CDH24: variants seen among roughly 807,000 people sequenced by gnomAD.
CDH24 encodes cadherin 24, also known as cadherin-24.
A neutral mutation model predicts 71.2 loss-of-function variants in CDH24; 61 were observed. The observed-to-expected ratio is 0.86, with a 90% CI of 0.70 to 1.06. The LOEUF (loss-of-function observed/expected upper bound fraction) is 1.06, where lower values mean the gene tolerates loss of function less well. CDH24 is among the 50% of genes least tolerant of loss of function. The pLI, the probability that CDH24 is intolerant of heterozygous loss-of-function variation, is 0.00. For synonymous variants in CDH24, 440 were observed against 470.2 expected (o/e 0.94, Z 0.83); for missense variants, 961 against 1,083.7 (o/e 0.89, Z 1.59).
chr14:23,048,523 G>A (rs1270107729), intron 11 of CDH24, 44 bp from the exon 12 acceptor site: 3 of 1,589,130 alleles, frequency 1.9e-6, no homozygotes, highest in Non-Finnish European at 2.6e-6. Flanking sequence ...AGCAGGGCCG[G>A]GAGCGGGCGG....
chr14:23,053,365 C>G lies in CDH24; in HGVS notation c.1226+131G>C, dbSNP rs2047098447. ...GCACCCAGGCCTGCAGACCAGCAAGCCCAGCTGCAGGGAGGGAGGCTTTTG... is the reference window on the plus strand; with the variant it reads ...GCACCCAGGCCTGCAGACCAGCAAGGCCAGCTGCAGGGAGGGAGGCTTTTG... On this transcript the variant is annotated intron_variant, in intron 7 of 12. Coordinates refer to ENST00000487137, the MANE Select transcript of CDH24 (RefSeq NM_144985.4). 4.3e-6 allele frequency: 5 copies of G among 1,158,736 alleles called. No individual in the cohort carries two copies. In the Admixed American group the frequency reaches 8.9e-5, roughly 21 times the overall value. The allele number at this position is 1,158,736 out of a possible 1,614,324, so 71.8% of individuals were successfully genotyped here.
chr14:23,048,687 C>T (rs1453212396), intron 11 of CDH24, among the ~76,000 whole-genome samples: 1 of 152,202 alleles, frequency 6.6e-6, no homozygotes, highest in Non-Finnish European at 1.5e-5. Context: ...CTCAATTTGC[C>T]CCTTAGATTA....
rs760686031 is a variant in CDH24 at position 23,054,560 on chromosome 14, T to C, written c.730A>G (p.Thr244Ala). The C allele has an allele frequency of 4.3e-6, 7 of 1,614,060 alleles. No homozygotes were observed. The highest frequency in any genetic ancestry group is 5.9e-6 in the Non-Finnish European group (7 of 1,179,968). The change falls in exon 5 of 13, where the codon ACG becomes GCG. Residue 244 changes from threonine to alanine, a missense_variant. Thr to Ala is a moderately conservative substitution (Grantham distance 58). Transcript: ENST00000487137. This position sits in a 1 kb window ranked among gnomAD's most constrained non-coding sequence, Gnocchi z 5.2. ...GHMGGLSGST[T>A]VTVTLSDVND... Reference sequence around the variant, plus strand: ...ACATCGCTGAGCGTGACAGTCACCGTAGTGCTGCCTGACAGCCCCCCCATG... The same window carrying C: ...ACATCGCTGAGCGTGACAGTCACCGCAGTGCTGCCTGACAGCCCCCCCATG...
At position 23,054,369 on chromosome 14, in the gene CDH24, C is replaced by G; in HGVS notation, c.785-41G>C. On this transcript the variant is annotated intron_variant, in intron 5 of 12. Transcript: ENST00000487137. The surrounding 1 kb of genome is among the most constrained non-coding windows in gnomAD (Gnocchi z 5.2). ...GGGAGACACCTTCTCAGAGAGGTCCCCAGCCCTCCTCCCTCCCCACAGCAC... is the reference window on the plus strand; with the variant it reads ...GGGAGACACCTTCTCAGAGAGGTCCGCAGCCCTCCTCCCTCCCCACAGCAC... The G allele has an allele frequency of 6.5e-7, 1 of 1,546,826 alleles. No individual in the cohort carries two copies. The highest frequency in any genetic ancestry group is 8.7e-7 in the Non-Finnish European group (1 of 1,144,424).
At chr14:23,049,366 GCCCCCC>G in intron 10 of CDH24, 91 bp from the exon 11 acceptor site, 1 of 1,278,194 alleles carries the variant, frequency 7.8e-7, no homozygotes, top group Non-Finnish European at 1.1e-6. Context: ...CATAGAGCCA[GCCCCCC>G]ATAGAGCCAG....
intron 7 of CDH24, 105 bp from the exon 8 acceptor site, chr14:23,052,714 C>T (rs575134680): frequency 3.4e-6 from 4 of 1,185,982 alleles, no homozygotes; most frequent in Admixed American, 3.7e-5. Context: ...GACCTCATGA[C>T]TCCTCTGGGT....
rs183768991 is a variant in CDH24 at position 23,052,406 on chromosome 14, C to A, written c.1363+67G>T. 23 of 1,577,366 alleles carry A rather than the reference C, an allele frequency of 1.5e-5. No homozygotes were observed. In the East Asian group the frequency reaches 5.2e-4, roughly 35 times the overall value. ...GATGGCAGTTAGCACCCTTCTCCACCCCCACACCCAGGGACAGCTCCTCGG... is the reference window on the plus strand; with the variant it reads ...GATGGCAGTTAGCACCCTTCTCCACACCCACACCCAGGGACAGCTCCTCGG... On this transcript the variant is annotated intron_variant, in intron 8 of 12. Transcript: ENST00000487137.
rs750022789 is a variant in CDH24, at chr14:23,049,655, A to C, written c.1569T>G (p.Asp523Glu). 6.3e-7 allele frequency: 1 copy of C among 1,594,882 alleles called. No homozygotes were observed. The highest frequency in any genetic ancestry group is 8.6e-7 in the Non-Finnish European group (1 of 1,168,364). Residue 523 changes from aspartate (D) to glutamate (E), a missense_variant, in exon 10 of 13, where the codon GAT (aspartate) becomes GAG (glutamate). Asp to Glu is a conservative substitution (Grantham distance 45). Transcript: ENST00000487137. ...HVSFQGPLGPDANFTVQDNRD... is the reference protein window; with the variant it reads ...HVSFQGPLGPEANFTVQDNRD... The stretch of plus-strand genomic sequence containing the variant: ...GGTTGTCCTGGACAGTAAAGTTGGC[A>C]TCAGGGCCCAGAGGACCTTGAAAGG...
chr14:23,055,900 C>T lies in CDH24; in HGVS notation c.-124-43G>A, dbSNP rs1050774697. On this transcript the variant is annotated intron_variant, in intron 1 of 12. Transcript: ENST00000487137. The surrounding 1 kb of genome is among the most constrained non-coding windows in gnomAD (Gnocchi z 4.1). ...GCTCAGGCTCAAGGAAACCCCTAGC[C>T]CTCCTCCCCCGCAAAATTAGATGCT... The T allele has an allele frequency of 6.3e-5, 38 of 601,516 alleles. No homozygotes were observed. The highest frequency in any genetic ancestry group is 4.4e-4 in the Middle Eastern group (1 of 2,254). 37.3% of individuals were successfully genotyped at this position (601,516 alleles called of 1,614,324 possible). A position where few individuals can be genotyped will look rare whatever the true frequency, so the allele number is the denominator to read the frequency against.
intron 1 of CDH24, among the ~76,000 whole-genome samples, chr14:23,056,754 C>T (rs1032247584): frequency 2.8e-4 from 42 of 151,810 alleles, no homozygotes; most frequent in Non-Finnish European, 5.2e-4. Flanking sequence ...GGAGAAGGAG[C>T]AGACAGGAGG....
intron 8 of CDH24, among the ~76,000 whole-genome samples, chr14:23,050,935 C>T (rs2047081547): frequency 6.6e-6 from 1 of 152,126 alleles, no homozygotes; most frequent in South Asian, 2.1e-4. Flanking sequence ...AGGAGGTCTA[C>T]TTCTTCCCTG....
At position 23,054,905 on chromosome 14, in the gene CDH24, G is replaced by A; in HGVS notation, c.497-39C>T. 6.2e-7 allele frequency: 1 copy of A among 1,603,700 alleles called. No homozygotes were observed. Among genetic ancestry groups the A allele is most frequent in the South Asian group, 1.1e-5 (1 of 90,542 alleles). On this transcript the variant is annotated intron_variant, in intron 3 of 12. Coordinates refer to ENST00000487137, the MANE Select transcript of CDH24 (RefSeq NM_144985.4). The surrounding 1 kb of genome is among the most constrained non-coding windows in gnomAD (Gnocchi z 5.2). Reference sequence around the variant, plus strand: ...CAGCACGCCATTCAGCAGCAGCAGGGAAGGATGGGGAAGAACAACCGATGG... The same window carrying A: ...CAGCACGCCATTCAGCAGCAGCAGGAAAGGATGGGGAAGAACAACCGATGG...
chr14:23,047,867 G>C lies in CDH24; in HGVS notation c.*113C>G, dbSNP rs138890287. Reference sequence around the variant, plus strand: ...AAGCAAGGAGGGACACAAGGACAGGGAGGAGGCCTGGGGCCCCTGGGCTGC... The same window carrying C: ...AAGCAAGGAGGGACACAAGGACAGGCAGGAGGCCTGGGGCCCCTGGGCTGC... On this transcript the variant is annotated 3_prime_UTR_variant, in exon 12 of 13. Transcript: ENST00000487137. 3 of 686,020 alleles carry C rather than the reference G, an allele frequency of 4.4e-6. No homozygotes were observed. In the East Asian group the frequency reaches 1.1e-4, roughly 26 times the overall value. 42.5% of individuals were successfully genotyped at this position (686,020 alleles called of 1,614,324 possible).
chr14:23,055,613 G>A lies in CDH24; in HGVS notation c.121C>T (p.Arg41Trp), dbSNP rs376742660. ...TTCCAGACCCAGCTCCTTCGAGTCCGCAGCAGAGCAGGCCCTGGGTGTTCC... is the reference window on the plus strand; with the variant it reads ...TTCCAGACCCAGCTCCTTCGAGTCCACAGCAGAGCAGGCCCTGGGTGTTCC... ...SREHPGPALL[R>W]TRRSWVWNQF... The change falls in exon 2 of 13, where the codon CGG becomes TGG. Residue 41 changes from arginine to tryptophan, a missense_variant. Arg to Trp is a moderately radical substitution (Grantham distance 101). This residue lies in a region of CDH24 where 671 missense variants were observed against 810.9 expected (regional missense o/e 0.83). Coordinates refer to ENST00000487137, the MANE Select transcript of CDH24 (RefSeq NM_144985.4). The surrounding 1 kb of genome is among the most constrained non-coding windows in gnomAD (Gnocchi z 4.1). 4.3e-6 allele frequency: 7 copies of A among 1,613,676 alleles called. No individual in the cohort carries two copies. Among genetic ancestry groups the A allele is most frequent in the East Asian group, 2.2e-5 (1 of 44,874 alleles).
rs1205976996 is a variant in CDH24 at position 23,054,248 on chromosome 14, C to T, written c.865G>A (p.Gly289Arg). 1 of 1,613,780 alleles carries T rather than the reference C, an allele frequency of 6.2e-7. No individual in the cohort carries two copies. The highest frequency in any genetic ancestry group is 8.5e-7 in the Non-Finnish European group (1 of 1,179,924). The part of the protein sequence containing the change: ...GRLRAQDPDL[G>R]DNALMAYSIL... ...CTGTATGCCATCAGGGCGTTGTCCC[C>T]CAGGTCTGGGTCCTGGGCCCGGAGC... The change falls in exon 6 of 13, where the codon GGG becomes AGG. Residue 289 changes from glycine (G) to arginine (R), a missense_variant. Physicochemically the swap from Gly to Arg is moderately radical, Grantham distance 125. This residue lies in a region of CDH24 where 671 missense variants were observed against 810.9 expected (regional missense o/e 0.83). Transcript: ENST00000487137. This position sits in a 1 kb window ranked among gnomAD's most constrained non-coding sequence, Gnocchi z 5.2.
At position 23,055,046 on chromosome 14, in the gene CDH24, C is replaced by T. The variant is rs1191340891; in HGVS notation, c.496+13G>A. 1 of 1,605,608 alleles carries T rather than the reference C, an allele frequency of 6.2e-7. No homozygotes were observed. The highest frequency in any genetic ancestry group is 1.3e-5 in the African/African-American group (1 of 74,752). On this transcript the variant is annotated intron_variant, in intron 3 of 12. Coordinates refer to ENST00000487137, the MANE Select transcript of CDH24 (RefSeq NM_144985.4). The surrounding 1 kb of genome is among the most constrained non-coding windows in gnomAD (Gnocchi z 4.1). ...AAGACGGGAACTGGGGCATTCAGAGCTGGGGTGCTCACCGACATTGGACAT... is the reference window on the plus strand; with the variant it reads ...AAGACGGGAACTGGGGCATTCAGAGTTGGGGTGCTCACCGACATTGGACAT...
chr14:23,048,168 G>A lies in CDH24; in HGVS notation c.2158C>T (p.Pro720Ser), dbSNP rs2047056221. ...TACACCTGCACCGAGTCGTACGGGG[G>A]TACGCCGGGGTCCTCGTCCGCCTCG... ...LREADEDPGV[P>S]PYDSVQVYGY... The change falls in exon 12 of 13, where the codon CCC becomes TCC. Residue 720 changes from proline (P) to serine (S), a missense_variant. Pro to Ser is a moderately conservative substitution (Grantham distance 74). Transcript: ENST00000487137. The A allele has an allele frequency of 3.0e-6, 4 of 1,354,620 alleles. No homozygotes were observed. The allele number at this position is 1,354,620 out of a possible 1,614,324, so 83.9% of individuals were successfully genotyped here. A position where few individuals can be genotyped will look rare whatever the true frequency, so the allele number is the denominator to read the frequency against.
chr14:23,049,574 G>A (rs548759407), intron 10 of CDH24, 53 bp downstream of exon 10: 1 of 1,092,122 alleles, frequency 9.2e-7, no homozygotes, highest in Admixed American at 2.2e-5. Context: ...GGGTGGAGGA[G>A]GAGGAGAAGG....
rs375511335 is a variant in CDH24 at position 23,053,299 on chromosome 14, C to T, written c.1226+197G>A. On this transcript the variant is annotated intron_variant, in intron 7 of 12. Transcript: ENST00000487137. ...TCATCTACCCAGAGGGGTGGACAGACGGTTGAGGAGTGGTCAGCCAGGCCC... is the reference window on the plus strand; with the variant it reads ...TCATCTACCCAGAGGGGTGGACAGATGGTTGAGGAGTGGTCAGCCAGGCCC... Among the ~76,000 whole-genome samples the T allele has an allele frequency of 1.5e-4, 23 of 152,330 alleles. 1 individual carries two copies. In the South Asian group the frequency reaches 4.3e-3, roughly 29 times the overall value.
Sources: gnomAD v4.1 joint callset for allele counts (sites outside exome capture counted in the v4.1 genomes callset) on GRCh38, gnomAD v4.1.1 for gene constraint, gnomAD v4.1.1 regional missense constraint, Gnocchi (gnomAD v3.1) non-coding constraint, MANE v1.5 for transcripts, NCBI Gene and HGNC (gene_info 2026-07-23, HGNC 2026-07-21) for gene names.